Variants in GRIK2 observed in about 807,000 individuals in gnomAD.
The protein encoded by GRIK2 is glutamate ionotropic receptor kainate type subunit 2.
Under a neutral mutation model 100.3 loss-of-function variants are expected in GRIK2, and 32 were observed. The observed-to-expected ratio is 0.32, with a 90% CI of 0.24 to 0.43. The LOEUF (loss-of-function observed/expected upper bound fraction) is 0.43, where lower values mean the gene tolerates loss of function less well. Ranked by LOEUF, GRIK2 falls within the 20% of genes least tolerant of loss-of-function variation. The pLI is 1.00. For synonymous variants in GRIK2, 417 were observed against 389.4 expected (o/e 1.07, Z -0.83); for missense variants, 843 against 1,114.9 (o/e 0.76, Z 3.47).
intron 2 of GRIK2, among the ~76,000 whole-genome samples, chr6:101,529,789 G>A (rs1775336273): frequency 6.6e-6 from 1 of 152,052 alleles, no homozygotes; most frequent in African/African-American, 2.4e-5. Context: ...TTCAGAAGAA[G>A]GATGGAGATT....
intron 11 of GRIK2, among the ~76,000 whole-genome samples, chr6:101,888,040 C>T (rs1362127200): frequency 6.6e-6 from 1 of 152,142 alleles, no homozygotes; most frequent in African/African-American, 2.4e-5. Flanking sequence ...AGAAAATACT[C>T]CCTCTGTCTG....
rs142022276 is a variant in GRIK2, at chr6:101,785,364, T to C, written c.952-14284T>C. 1.1e-4 allele frequency among the ~76,000 whole-genome samples: 16 copies of C among 152,304 alleles called. No individual in the cohort carries two copies. The East Asian group carries it at 2.3e-3, about 22-fold the overall frequency. On this transcript the variant is annotated intron_variant, in intron 7 of 16. Coordinates refer to ENST00000369134, the MANE Select transcript of GRIK2 (RefSeq NM_021956.5). ...TATTTTTTGTTAATTGCCTATGCTT[T>C]TGGGTCCTTAGCCATAGAGTATTTG...
chr6:101,486,588 A>G (rs1156837426), intron 2 of GRIK2, among the ~76,000 whole-genome samples: 2 of 152,112 alleles, frequency 1.3e-5, no homozygotes, highest in South Asian at 2.1e-4. Context: ...AGGGAGACCA[A>G]ATTGGAGGGG....
At position 101,984,614 on chromosome 6, in the gene GRIK2, AACAC is replaced by A. The variant is rs10678285; in HGVS notation, c.2086-50688_2086-50685del. ...TTATATGTGCAGGAATACACATTAA[AACAC>A]ACACACACACACACACACACACACA... On this transcript the variant is annotated intron_variant, in intron 14 of 16. Transcript: ENST00000369134. 5.4e-3 allele frequency among the ~76,000 whole-genome samples: 702 copies of A among 129,236 alleles called. 12 individuals are homozygous for A. Among genetic ancestry groups the A allele is most frequent in the South Asian group, 0.052 (197 of 3,768 alleles). 84.8% of individuals were successfully genotyped at this position (129,236 alleles called of 152,430 possible).
At chr6:101,827,452 A>G (rs1782406467) in intron 10 of GRIK2, among the ~76,000 whole-genome samples, 2 of 151,354 alleles carry the variant, frequency 1.3e-5, no homozygotes. Flanking sequence ...GCTTTAAAAC[A>G]TAGCCCCACA....
intron 2 of GRIK2, among the ~76,000 whole-genome samples, chr6:101,454,315 T>C (rs528013602): frequency 3.3e-5 from 5 of 152,132 alleles, no homozygotes; most frequent in Admixed American, 6.6e-5. Context: ...TAGATTCTAG[T>C]GATACTAGAA....
chr6:102,058,229 G>A (rs990840437), intron 16 of GRIK2, among the ~76,000 whole-genome samples: 3 of 151,650 alleles, frequency 2.0e-5, no homozygotes, highest in Middle Eastern at 3.4e-3. Context: ...CTGTGTATGG[G>A]TGCCTTTTCA....
At chr6:101,903,029 C>T (rs915955500) in intron 12 of GRIK2, among the ~76,000 whole-genome samples, 5 of 151,798 alleles carry the variant, frequency 3.3e-5, no homozygotes, top group African/African-American at 9.7e-5. Context: ...CTTTTATCCT[C>T]ATAGTTACAA....
intron 4 of GRIK2, among the ~76,000 whole-genome samples, chr6:101,663,376 C>T (rs9498662): frequency 0.73 from 110,300 of 151,898 alleles, 40,513 homozygotes; most frequent in African/African-American, 0.78. Context: ...GTAAGACAGG[C>T]GTACATCTGA....
intron 2 of GRIK2, among the ~76,000 whole-genome samples, chr6:101,490,352 A>G (rs911640179): frequency 3.4e-5 from 5 of 146,766 alleles, no homozygotes; most frequent in Non-Finnish European, 6.0e-5. Context: ...CTCCAAAGAT[A>G]TGGAGCCTAC....
intron 7 of GRIK2, among the ~76,000 whole-genome samples, chr6:101,713,300 C>A (rs1773843586): frequency 6.6e-6 from 1 of 151,694 alleles, no homozygotes; most frequent in Admixed American, 6.6e-5. Context: ...AATTTTATAA[C>A]TCATGTGAAT....
chr6:101,709,954 G>A (rs777689681), intron 7 of GRIK2, among the ~76,000 whole-genome samples: 1 of 151,716 alleles, frequency 6.6e-6, no homozygotes, highest in Non-Finnish European at 1.5e-5. Context: ...GCTGAAATAC[G>A]CAGTTGGTCT....
At chr6:101,873,627 G>T (rs1785588415) in intron 11 of GRIK2, among the ~76,000 whole-genome samples, 1 of 151,840 alleles carries the variant, frequency 6.6e-6, no homozygotes, top group Admixed American at 6.6e-5. Flanking sequence ...GGGATGGCTG[G>T]GTCAAATGGT....
chr6:101,826,641 T>C (rs1290667271), intron 10 of GRIK2, among the ~76,000 whole-genome samples: 1 of 152,064 alleles, frequency 6.6e-6, no homozygotes, highest in Non-Finnish European at 1.5e-5. Flanking sequence ...AAATAGTACA[T>C]TTGATTGATT....
chr6:101,461,491 A>G (rs1244066573), intron 2 of GRIK2, among the ~76,000 whole-genome samples: 2 of 152,172 alleles, frequency 1.3e-5, no homozygotes, highest in South Asian at 2.1e-4. Flanking sequence ...TTCAAAACCA[A>G]TAGTGGCCAG....
chr6:101,761,769 T>TTCCCTCCCTCTC (rs1554259729), intron 7 of GRIK2, among the ~76,000 whole-genome samples: 5,055 of 122,934 alleles, frequency 0.041, 159 homozygotes, highest in Non-Finnish European at 0.049. Context: ...ATGCCCCCAT[T>TTCCCTCCCTCTC]TCCCTCCCTC....
chr6:101,472,974 T>C (rs562181258), intron 2 of GRIK2, among the ~76,000 whole-genome samples: 1 of 151,854 alleles, frequency 6.6e-6, no homozygotes, highest in East Asian at 1.9e-4. Context: ...ATGTCTTGTG[T>C]CTACTTGGCC....
chr6:101,417,630 G>A (rs1029466783), intron 2 of GRIK2, among the ~76,000 whole-genome samples: 1 of 152,152 alleles, frequency 6.6e-6, no homozygotes, highest in Non-Finnish European at 1.5e-5. Flanking sequence ...CCCCCTAAAA[G>A]GATGTGGGCG....
At chr6:102,009,904 C>A (rs1179802189) in intron 14 of GRIK2, among the ~76,000 whole-genome samples, 1 of 151,886 alleles carries the variant, frequency 6.6e-6, no homozygotes, top group East Asian at 1.9e-4. Flanking sequence ...TTTTAGAAAC[C>A]ATGAAATACA....
Sources: allele counts gnomAD v4.1 joint callset (sites outside exome capture counted in the v4.1 genomes callset), GRCh38; gene constraint gnomAD v4.1.1; transcripts MANE v1.5; gene names NCBI Gene and HGNC (gene_info 2026-07-23, HGNC 2026-07-21).